Variants in ITK observed in about 807,000 individuals in gnomAD.
The protein encoded by ITK is IL2 inducible T cell kinase.
A neutral mutation model predicts 87.6 loss-of-function variants in ITK; 45 were observed. That is an observed-to-expected ratio of 0.51 (90% CI 0.40 to 0.66). The LOEUF is 0.66. ITK is among the 30% of genes least tolerant of loss of function. The pLI, the probability that ITK is intolerant of heterozygous loss-of-function variation, is 0.00. For synonymous variants in ITK, 303 were observed against 273.6 expected, an observed-to-expected ratio of 1.11 and a Z score of -1.06; for missense variants, 605 against 766.3, an observed-to-expected ratio of 0.79 and a Z score of 2.48.
At chr5:157,239,957 G>T in intron 9 of ITK, 105 bp from the exon 10 acceptor site, 2 of 1,136,670 alleles carry the variant, frequency 1.8e-6, no homozygotes, top group Non-Finnish European at 1.3e-6. Context: ...GCCACCTTGT[G>T]AGAGGTTATA....
At chr5:157,202,112 G>T (rs1039992895) in intron 1 of ITK, among the ~76,000 whole-genome samples, 7 of 152,102 alleles carry the variant, frequency 4.6e-5, no homozygotes. Flanking sequence ...GTTCACTTGG[G>T]CTAATGGCCT....
intron 5 of ITK, among the ~76,000 whole-genome samples, chr5:157,221,529 T>C (rs758508769): frequency 6.6e-6 from 1 of 152,106 alleles, no homozygotes; most frequent in Non-Finnish European, 1.5e-5. Context: ...TAAAGGCCTA[T>C]AGCATACCTC....
intron 11 of ITK, among the ~76,000 whole-genome samples, 155 bp from the exon 12 acceptor site, chr5:157,243,468 A>T (rs1754955035): frequency 6.6e-6 from 1 of 152,084 alleles, no homozygotes; most frequent in Non-Finnish European, 1.5e-5. Flanking sequence ...AGCATATCCT[A>T]TGTTATTATG....
rs1025073892 is a variant in ITK at position 157,246,010 on chromosome 5, T to C, written c.1633+11T>C. ...ATGTGTGGTCATTTGGTGAGTGTCA[T>C]GCTGGGCCCCACTGCCCCATGATCT... is the stretch of plus-strand genomic sequence containing the variant. On this transcript the variant is annotated intron_variant, in intron 15 of 16. Transcript: ENST00000422843. 1 of 1,577,156 alleles carries C rather than the reference T, an allele frequency of 6.3e-7. No individual in the cohort carries two copies. The highest frequency in any genetic ancestry group is 8.7e-7 in the Non-Finnish European group (1 of 1,146,610).
At chr5:157,227,722 T>G (rs1051326018) in intron 6 of ITK, among the ~76,000 whole-genome samples, 1 of 152,080 alleles carries the variant, frequency 6.6e-6, no homozygotes. Context: ...ACAGAGCTTT[T>G]TAAGTAAAAT....
chr5:157,222,606 A>G, intron 5 of ITK: 2 of 519,720 alleles, frequency 3.8e-6, no homozygotes, highest in South Asian at 4.0e-5. Context: ...CATAGTGCAG[A>G]TAGAGAAACC....
intron 15 of ITK, 43 bp downstream of exon 15, chr5:157,246,042 C>T (rs1456339198): frequency 7.6e-6 from 10 of 1,315,946 alleles, no homozygotes; most frequent in Non-Finnish European, 1.1e-5. Flanking sequence ...ATCTGGGCTT[C>T]AGGCCAGCTG....
rs188139347 is a variant in ITK at position 157,214,163 on chromosome 5, C to T, written c.326-28C>T. The T allele has an allele frequency of 1.2e-4, 185 of 1,603,500 alleles. No individual in the cohort carries two copies. In the East Asian group the frequency reaches 3.9e-3, roughly 34 times the overall value. On this transcript the variant is annotated intron_variant, in intron 3 of 16. Coordinates refer to ENST00000422843, the MANE Select transcript of ITK (RefSeq NM_005546.4). ...CCTTGATAGACTGACCTGGAAATAACTCTTCTGTTGGTGCCAACCTGTTTC... is the reference window on the plus strand; with the variant it reads ...CCTTGATAGACTGACCTGGAAATAATTCTTCTGTTGGTGCCAACCTGTTTC...
intron 1 of ITK, among the ~76,000 whole-genome samples, chr5:157,190,042 G>C (rs982919020): frequency 6.6e-6 from 1 of 152,098 alleles, no homozygotes; most frequent in African/African-American, 2.4e-5. Context: ...GCATATAAAA[G>C]TCCCCTTTTG....
At chr5:157,248,768 C>A in intron 15 of ITK, 82 bp from the exon 16 acceptor site, 1 of 1,485,322 alleles carries the variant, frequency 6.7e-7, no homozygotes, top group Non-Finnish European at 9.4e-7. Context: ...TGCAAGGAGT[C>A]TGTAATTTCT....
At chr5:157,245,353 T>C (rs1372465390) in intron 13 of ITK, 14 of 377,498 alleles carry the variant, frequency 3.7e-5, no homozygotes, top group Non-Finnish European at 4.1e-5. Context: ...TTAAGAGGAT[T>C]AACAACATCA....
intron 1 of ITK, among the ~76,000 whole-genome samples, chr5:157,208,637 C>T (rs998938433): frequency 1.3e-5 from 2 of 152,142 alleles, no homozygotes; most frequent in Admixed American, 6.5e-5. Flanking sequence ...CAGTGGGGTA[C>T]ATGACCCCGT....
intron 9 of ITK, among the ~76,000 whole-genome samples, chr5:157,238,900 C>A (rs1375465168): frequency 2.0e-5 from 3 of 152,178 alleles, no homozygotes; most frequent in Non-Finnish European, 1.5e-5. Context: ...GACCAAAGTG[C>A]AGTCAGAATT....
intron 8 of ITK, among the ~76,000 whole-genome samples, chr5:157,237,242 G>A (rs1754795515): frequency 6.6e-6 from 1 of 152,212 alleles, no homozygotes; most frequent in Non-Finnish European, 1.5e-5. Context: ...GCATTCTGCA[G>A]CAACATAGAT....
chr5:157,226,787 T>G (rs1754540052), intron 6 of ITK, among the ~76,000 whole-genome samples: 1 of 150,978 alleles, frequency 6.6e-6, no homozygotes, highest in Admixed American at 6.7e-5. Flanking sequence ...CAGGCATCTT[T>G]TTTTGTTTTG....
intron 3 of ITK, chr5:157,213,703 T>C (rs977574174): frequency 8.4e-6 from 3 of 356,948 alleles, no homozygotes; most frequent in Non-Finnish European, 1.6e-5. Flanking sequence ...CTTATGTATG[T>C]ATTTGTTTCA....
chr5:157,199,276 G>C (rs1348489612), intron 1 of ITK: 1 of 152,030 alleles, frequency 6.6e-6, no homozygotes, highest in African/African-American at 2.4e-5. Flanking sequence ...CTTACCAGAG[G>C]AGAAAGCTGA....
At chr5:157,211,088 G>A (rs958063736) in intron 2 of ITK, among the ~76,000 whole-genome samples, 199 bp from the exon 3 acceptor site, 4 of 152,038 alleles carry the variant, frequency 2.6e-5, no homozygotes, top group South Asian at 4.1e-4. Context: ...AATCTGAGAC[G>A]AGCAGCTGAA....
chr5:157,245,391 G>A lies in ITK; in HGVS notation c.1450-335G>A, dbSNP rs1386925972. On this transcript the variant is annotated intron_variant, in intron 13 of 16. Transcript: ENST00000422843. ...ACATTCTTAATTTAGTCAACTGGGAGATGCTTTCTTCCTGTTATCCCTGAT... is the reference window on the plus strand; with the variant it reads ...ACATTCTTAATTTAGTCAACTGGGAAATGCTTTCTTCCTGTTATCCCTGAT... 14 of 434,544 alleles carry A rather than the reference G, an allele frequency of 3.2e-5. No homozygotes were observed. The East Asian group carries it at 6.3e-4, about 20-fold the overall frequency. The allele number at this position is 434,544 out of a possible 1,614,324, so 26.9% of individuals were successfully genotyped here.
Sources: gnomAD v4.1 joint callset for allele counts (sites outside exome capture counted in the v4.1 genomes callset) on GRCh38, gnomAD v4.1.1 for gene constraint, MANE v1.5 for transcripts, NCBI Gene and HGNC (gene_info 2026-07-23, HGNC 2026-07-21) for gene names.